Variants in CEP85L observed in about 807,000 individuals in gnomAD.
CEP85L encodes centrosomal protein 85L, also known as centrosomal protein of 85 kDa-like.
Under a neutral mutation model 100.3 loss-of-function variants are expected in CEP85L, and 60 were observed. That is an observed-to-expected ratio of 0.60 (90% CI 0.49 to 0.74). CEP85L has a LOEUF of 0.74. Ranked by LOEUF, CEP85L falls within the 30% of genes least tolerant of loss-of-function variation. The probability of loss-of-function intolerance (pLI) is 0.00; values close to 1 mark genes in which losing one functional copy is unlikely to be tolerated. For synonymous variants in CEP85L, 319 were observed against 322.7 expected (o/e 0.99, Z 0.12); for missense variants, 973 against 936.2 (o/e 1.04, Z -0.51).
At chr6:118,505,150 T>C (rs1185684754) in intron 5 of CEP85L, among the ~76,000 whole-genome samples, 1 of 151,824 alleles carries the variant, frequency 6.6e-6, no homozygotes, top group Non-Finnish European at 1.5e-5. Flanking sequence ...CAAAAAGTTA[T>C]CACAGGTGGG....
chr6:118,653,635 T>G (rs9481842), upstream of CEP85L, among the ~76,000 whole-genome samples: 46,501 of 152,026 alleles, frequency 0.31, 7,704 homozygotes, highest in African/African-American at 0.43. Context: ...GACAGTGTGT[T>G]AGGACTACAA....
rs1050048493 is a variant in CEP85L at position 118,651,236 on chromosome 6, C to G, written c.34G>C (p.Gly12Arg). 2.0e-6 allele frequency: 3 copies of G among 1,494,900 alleles called. No individual in the cohort carries two copies. In the African/African-American group the frequency reaches 4.4e-5, roughly 22 times the overall value. The allele number at this position is 1,494,900 out of a possible 1,614,324, so 92.6% of individuals were successfully genotyped here. ...WGRFLAPEAS[G>R]RDSPGGARSF... ...CGGGCTCCGCCGGGGCTATCCCGGC[C>G]GCTGGCCTCCGGAGCCAGGAAGCGC... Residue 12 changes from glycine to arginine, a missense_variant, in exon 1 of 13, where the codon GGC becomes CGC. Gly to Arg is a moderately radical substitution (Grantham distance 125). Transcript: ENST00000368491.
chr6:118,551,391 T>C (rs1219218624), intron 3 of CEP85L, among the ~76,000 whole-genome samples: 1 of 78,424 alleles, frequency 1.3e-5, no homozygotes, highest in Non-Finnish European at 3.2e-5. Context: ...TAAGTGGCAT[T>C]CATTTTAAAT....
chr6:118,514,714 A>C (rs976836474), intron 4 of CEP85L, among the ~76,000 whole-genome samples: 3 of 152,142 alleles, frequency 2.0e-5, no homozygotes, highest in Non-Finnish European at 4.4e-5. Flanking sequence ...ATAAGGACAC[A>C]AACAGGTTAA....
chr6:118,482,592 C>T (rs1234394511), intron 7 of CEP85L, among the ~76,000 whole-genome samples: 1 of 152,142 alleles, frequency 6.6e-6, no homozygotes, highest in Non-Finnish European at 1.5e-5. Context: ...TTAGTTTATC[C>T]ATTTATCTGG....
chr6:118,692,848 G>T (rs1474550762), intron 1 of CEP85L, among the ~76,000 whole-genome samples: 1 of 108,914 alleles, frequency 9.2e-6, no homozygotes, highest in Admixed American at 8.4e-5. Flanking sequence ...TCATAAGGTA[G>T]TTCCACTAAA....
chr6:118,697,155 C>T (rs1266280557), intron 1 of CEP85L, among the ~76,000 whole-genome samples: 3 of 152,108 alleles, frequency 2.0e-5, no homozygotes, highest in Admixed American at 2.0e-4. Flanking sequence ...CACCTGCAAG[C>T]GTAGAGGTGT....
chr6:118,535,464 G>A (rs1216812937), intron 3 of CEP85L, among the ~76,000 whole-genome samples: 3 of 152,136 alleles, frequency 2.0e-5, no homozygotes, highest in Non-Finnish European at 1.5e-5. Context: ...TCATATAATC[G>A]CAGTTTCACT....
intron 7 of CEP85L, among the ~76,000 whole-genome samples, chr6:118,483,192 C>T (rs1475930884): frequency 6.6e-6 from 1 of 151,506 alleles, no homozygotes; most frequent in African/African-American, 2.4e-5. Flanking sequence ...AAGAGAGTGG[C>T]CCTCACCTCA....
In CEP85L at chr6:118,523,928, A is replaced by G; in HGVS notation, c.1021-8T>C. On this transcript the variant is annotated splice_polypyrimidine_tract_variant and splice_region_variant and intron_variant, in intron 3 of 12. Coordinates refer to ENST00000368491, the MANE Select transcript of CEP85L (RefSeq NM_001042475.3). ...AGATGATCCAGTCAAAACCTGCAGA[A>G]ACATGTTTACACAATTAGTATACTA... 1 of 1,363,094 alleles carries G rather than the reference A, an allele frequency of 7.3e-7. No individual in the cohort carries two copies. Among genetic ancestry groups the G allele is most frequent in the Middle Eastern group, 1.8e-4 (1 of 5,528 alleles). The allele number at this position is 1,363,094 out of a possible 1,614,324, so 84.4% of individuals were successfully genotyped here. A position where few individuals can be genotyped will look rare whatever the true frequency, so the allele number is the denominator to read the frequency against.
upstream of CEP85L, chr6:118,651,797 C>G (rs1775589740): frequency 1.0e-6 from 1 of 985,130 alleles, no homozygotes; most frequent in African/African-American, 1.7e-5. Context: ...ATCCCTCTGT[C>G]TCCATCCTCC....
At chr6:118,599,794 A>G (rs200009159) in intron 2 of CEP85L, among the ~76,000 whole-genome samples, 1 of 152,198 alleles carries the variant, frequency 6.6e-6, no homozygotes, top group East Asian at 1.9e-4. Flanking sequence ...ACTTACAACC[A>G]CAGTCTAATC....
intron 3 of CEP85L, chr6:118,548,179 G>C (rs929898105): frequency 2.0e-5 from 3 of 152,098 alleles, no homozygotes; most frequent in Non-Finnish European, 2.9e-5. Context: ...AAGTTCTAAA[G>C]TTTGGTTGTG....
At chr6:118,469,814 C>G (rs998871897) in intron 11 of CEP85L, among the ~76,000 whole-genome samples, 3 of 152,066 alleles carry the variant, frequency 2.0e-5, no homozygotes, top group Non-Finnish European at 2.9e-5. Flanking sequence ...ATTGCCTAAG[C>G]TGGTCTCAAA....
chr6:118,608,497 A>T (rs1051478640), intron 2 of CEP85L, among the ~76,000 whole-genome samples: 1 of 151,998 alleles, frequency 6.6e-6, no homozygotes, highest in Non-Finnish European at 1.5e-5. Context: ...TCCATCTCAA[A>T]AAAAAAAAAG....
chr6:118,482,165 A>C (rs1003330099), intron 7 of CEP85L, among the ~76,000 whole-genome samples: 2 of 152,256 alleles, frequency 1.3e-5, no homozygotes, highest in Non-Finnish European at 1.5e-5. Context: ...TTTGTAGAAG[A>C]CCGAGAAAGG....
At position 118,491,707 on chromosome 6, in the gene CEP85L, C is replaced by G; in HGVS notation, c.1416G>C (p.Glu472Asp). The change falls in exon 6 of 13, where the codon GAG becomes GAC. Residue 472 changes from glutamate to aspartate, a missense_variant. Glu to Asp is a conservative substitution (Grantham distance 45). Around this residue, in one of 3 missense-constraint regions of CEP85L, gnomAD observed 890 missense variants for 844.5 expected, o/e 1.05. Transcript: ENST00000368491. ...LKQRLSLFSEEKKKLEEKLKT... is the reference protein window; with the variant it reads ...LKQRLSLFSEDKKKLEEKLKT... ...CTACTTTTTCCTCTAGTTTCTTCTT[C>G]TCTTCACTAAATAGGCTTAGTCTTT... 6.2e-7 allele frequency: 1 copy of G among 1,612,206 alleles called. No homozygotes were observed.
intron 3 of CEP85L, among the ~76,000 whole-genome samples, chr6:118,552,654 A>C (rs9489436): frequency 0.16 from 25,033 of 151,720 alleles, 2,207 homozygotes; most frequent in Non-Finnish European, 0.19. Context: ...TACCATCTTG[A>C]ACTTGATTTT....
intron 1 of CEP85L, among the ~76,000 whole-genome samples, chr6:118,675,046 G>C (rs1357040872): frequency 6.6e-6 from 1 of 152,002 alleles, no homozygotes; most frequent in Non-Finnish European, 1.5e-5. Flanking sequence ...CCCAAAAATA[G>C]AAATAACTCA....
Sources: allele counts gnomAD v4.1 joint callset (sites outside exome capture counted in the v4.1 genomes callset), GRCh38; gene constraint gnomAD v4.1.1; regional missense constraint gnomAD v4.1.1; transcripts MANE v1.5; gene names NCBI Gene and HGNC (gene_info 2026-07-23, HGNC 2026-07-21).